The following CDC14B variants were observed in gnomAD, a reference collection of about 807,000 sequenced individuals.
CDC14B encodes the protein dual specificity protein phosphatase CDC14B.
CDC14B carries 22 observed loss-of-function variants against 64.2 expected under a neutral mutation model. The ratio of observed to expected loss-of-function variants is 0.34; its 90% confidence interval spans 0.24 to 0.49. The LOEUF is 0.49. Among genes scored for constraint, CDC14B ranks in the 20% least tolerant of loss-of-function variants. CDC14B has a pLI of 0.99. For missense variants in CDC14B, 498 were observed against 629.9 expected (o/e 0.79, Z 2.24); for synonymous variants, 191 against 215.8 (o/e 0.89, Z 1.01).
rs1838931616 is a variant in CDC14B at position 96,534,123 on chromosome 9, T to C, written c.750A>G (p.Gln250=). Residue 250 remains glutamine, a synonymous_variant, in exon 9 of 14, where the codon CAA becomes CAG. Coordinates refer to ENST00000375241, the MANE Select transcript of CDC14B (RefSeq NM_033331.4). ...TAGTAACATTGTGATTCTTAAAATA[T>C]TGAATATAAGTCTCAGGAGAATGTT... ...YHQHSPETYI[Q]YFKNHNVTTI... 10 of 1,609,726 alleles carry C rather than the reference T, an allele frequency of 6.2e-6. No homozygotes were observed. Among genetic ancestry groups the C allele is most frequent in the Non-Finnish European group, 7.6e-6 (9 of 1,176,716 alleles).
chr9:96,604,950 G>A (rs1846784540), intron 1 of CDC14B, among the ~76,000 whole-genome samples: 1 of 152,070 alleles, frequency 6.6e-6, no homozygotes, highest in East Asian at 1.9e-4. Flanking sequence ...GATTACAGGT[G>A]TGAGCCACTG....
intron 1 of CDC14B, among the ~76,000 whole-genome samples, chr9:96,584,495 T>C (rs1845349653): frequency 6.6e-6 from 1 of 150,534 alleles, no homozygotes. Flanking sequence ...AAGAAAGCAT[T>C]CACTTTCAGC....
At chr9:96,619,170 G>C in intron 1 of CDC14B, 49 bp downstream of exon 1, 2 of 1,214,690 alleles carry the variant, frequency 1.6e-6, no homozygotes, top group Non-Finnish European at 2.1e-6. Flanking sequence ...AGGGCCCCGC[G>C]CCGGGTGCGG....
At chr9:96,587,037 T>C (rs575830552) in intron 1 of CDC14B, among the ~76,000 whole-genome samples, 35 of 151,972 alleles carry the variant, frequency 2.3e-4, no homozygotes, top group Non-Finnish European at 5.0e-4. Context: ...ACCGGGCGTG[T>C]TGGCGTGTGC....
At chr9:96,612,582 G>A (rs1221167784) in intron 1 of CDC14B, among the ~76,000 whole-genome samples, 3 of 152,224 alleles carry the variant, frequency 2.0e-5, no homozygotes, top group Non-Finnish European at 4.4e-5. Flanking sequence ...CTCATGCCTA[G>A]TGGCTAGCTT....
intron 1 of CDC14B, among the ~76,000 whole-genome samples, chr9:96,609,467 C>T (rs190835691): frequency 6.6e-6 from 1 of 152,150 alleles, no homozygotes; most frequent in Non-Finnish European, 1.5e-5. Context: ...TCTTCACATC[C>T]CTTGCCCCTC....
chr9:96,577,886 G>A (rs1274266244), intron 1 of CDC14B, among the ~76,000 whole-genome samples: 1 of 152,140 alleles, frequency 6.6e-6, no homozygotes, highest in Non-Finnish European at 1.5e-5. Flanking sequence ...CAGCCCAAAT[G>A]GGAACTTACT....
intron 13 of CDC14B, among the ~76,000 whole-genome samples, chr9:96,494,927 C>T (rs1241190374): frequency 6.6e-5 from 10 of 151,256 alleles, no homozygotes; most frequent in East Asian, 1.9e-4. Flanking sequence ...CTCTGTCTCC[C>T]GGGTTCATGC....
chr9:96,600,012 G>A (rs1424154863), intron 1 of CDC14B, among the ~76,000 whole-genome samples: 1 of 152,102 alleles, frequency 6.6e-6, no homozygotes, highest in Non-Finnish European at 1.5e-5. Context: ...TTACAGGCAT[G>A]AGCCACCATA....
chr9:96,594,100 T>C (rs1230438208), intron 1 of CDC14B, among the ~76,000 whole-genome samples: 2 of 152,090 alleles, frequency 1.3e-5, no homozygotes. Flanking sequence ...CAAAATACAT[T>C]ATACGTTTTT....
chr9:96,613,839 C>T (rs1159839058), intron 1 of CDC14B, among the ~76,000 whole-genome samples: 1 of 152,188 alleles, frequency 6.6e-6, no homozygotes, highest in Admixed American at 6.5e-5. Flanking sequence ...GAAAAATATA[C>T]TTCCATCACT....
chr9:96,553,904 G>T (rs888831888), intron 4 of CDC14B, among the ~76,000 whole-genome samples: 1 of 151,908 alleles, frequency 6.6e-6, no homozygotes, highest in African/African-American at 2.4e-5. Context: ...GGTGGCTCAC[G>T]CCTGTAATCC....
At chr9:96,525,053 A>T (rs964640673) in intron 9 of CDC14B, among the ~76,000 whole-genome samples, 1 of 152,216 alleles carries the variant, frequency 6.6e-6, no homozygotes, top group African/African-American at 2.4e-5. Flanking sequence ...GTAAAATGCA[A>T]AAGGAAAAAG....
intron 9 of CDC14B, among the ~76,000 whole-genome samples, chr9:96,531,732 ATAT>A (rs763529595): frequency 1.8e-4 from 28 of 152,320 alleles, no homozygotes; most frequent in Admixed American, 5.2e-4. Context: ...AATAATTTAC[ATAT>A]TATAATATTT....
chr9:96,598,341 T>C (rs916517128), intron 1 of CDC14B, among the ~76,000 whole-genome samples: 1 of 152,310 alleles, frequency 6.6e-6, no homozygotes, highest in South Asian at 2.1e-4. Context: ...TTTTTGTTTG[T>C]TTTTTGTTTT....
chr9:96,602,548 G>A (rs1846563546), intron 1 of CDC14B, among the ~76,000 whole-genome samples: 1 of 152,148 alleles, frequency 6.6e-6, no homozygotes, highest in African/African-American at 2.4e-5. Flanking sequence ...GCAGACAAGA[G>A]AAGAGAACTT....
intron 1 of CDC14B, among the ~76,000 whole-genome samples, chr9:96,596,289 G>A (rs1846067995): frequency 6.6e-6 from 1 of 150,570 alleles, no homozygotes; most frequent in Non-Finnish European, 1.5e-5. Flanking sequence ...TTGAACCCGG[G>A]AGGCAGAGGT....
intron 1 of CDC14B, among the ~76,000 whole-genome samples, chr9:96,583,791 TC>T (rs1474802313): frequency 2.0e-5 from 3 of 152,206 alleles, no homozygotes; most frequent in Middle Eastern, 3.4e-3. Context: ...CGATCTAGGC[TC>T]CCTGCAAGCT....
chr9:96,577,776 CT>C (rs1844899463), intron 1 of CDC14B, among the ~76,000 whole-genome samples: 1 of 152,162 alleles, frequency 6.6e-6, no homozygotes, highest in African/African-American at 2.4e-5. Flanking sequence ...AATTCCAGTT[CT>C]AGATTTACAT....
Sources: gnomAD v4.1 joint callset for allele counts (sites outside exome capture counted in the v4.1 genomes callset) on GRCh38, gnomAD v4.1.1 for gene constraint, MANE v1.5 for transcripts, NCBI Gene and HGNC (gene_info 2026-07-23, HGNC 2026-07-21) for gene names.